The following HMGCLL1 variants were observed in gnomAD, a reference collection of about 807,000 sequenced individuals.
HMGCLL1 encodes 3-hydroxymethyl-3-methylglutaryl-CoA lyase, cytoplasmic.
Under a neutral mutation model 39.1 loss-of-function variants are expected in HMGCLL1, and 36 were observed. The ratio of observed to expected loss-of-function variants is 0.92; its 90% CI spans 0.71 to 1.22. The LOEUF (loss-of-function observed/expected upper bound fraction) is 1.22. Among genes scored for constraint, HMGCLL1 ranks in the 50% most tolerant of loss-of-function variants. The pLI, the probability that HMGCLL1 is intolerant of heterozygous loss-of-function variation, is 0.00. For synonymous variants in HMGCLL1, 149 were observed against 144.0 expected, an observed-to-expected ratio of 1.03 and a Z score of -0.25; for missense variants, 451 against 416.5, an observed-to-expected ratio of 1.08 and a Z score of -0.72.
chr6:55,472,998 A>G (rs1249670987), intron 7 of HMGCLL1, among the ~76,000 whole-genome samples: 2 of 151,408 alleles, frequency 1.3e-5, no homozygotes, highest in Non-Finnish European at 1.5e-5. Context: ...ACATACTACC[A>G]TATCTTTGAT....
At chr6:55,451,683 G>A (rs1249193211) in intron 7 of HMGCLL1, among the ~76,000 whole-genome samples, 2 of 152,188 alleles carry the variant, frequency 1.3e-5, no homozygotes, top group African/African-American at 2.4e-5. Context: ...TAGGAGGTAG[G>A]AGGTAAATAA....
chr6:55,492,463 C>T (rs147533214), intron 7 of HMGCLL1, among the ~76,000 whole-genome samples: 99 of 152,336 alleles, frequency 6.5e-4, no homozygotes, highest in African/African-American at 2.3e-3. Flanking sequence ...AGTGACATTC[C>T]AGTACCACAT....
At chr6:55,639,383 A>G in the HMGCLL1 span, among the ~76,000 whole-genome samples, 1 of 150,444 alleles carries the variant, frequency 6.6e-6, no homozygotes, top group African/African-American at 2.5e-5. Flanking sequence ...TATTTATTGA[A>G]CGTCTACTAG....
At chr6:55,562,404 A>G (rs1430727446) in intron 1 of HMGCLL1, among the ~76,000 whole-genome samples, 1 of 152,126 alleles carries the variant, frequency 6.6e-6, no homozygotes, top group African/African-American at 2.4e-5. Flanking sequence ...ATTACAGGGT[A>G]CTGAAAGAAA....
intron 7 of HMGCLL1, among the ~76,000 whole-genome samples, chr6:55,466,944 G>A (rs868640422): frequency 1.3e-5 from 2 of 152,158 alleles, no homozygotes; most frequent in Middle Eastern, 3.4e-3. Context: ...GCATCAGAAT[G>A]TGTTTTCAGC....
chr6:55,474,961 G>T (rs1433400913), intron 7 of HMGCLL1, among the ~76,000 whole-genome samples: 2 of 151,522 alleles, frequency 1.3e-5, no homozygotes, highest in African/African-American at 4.8e-5. Flanking sequence ...TATTAGACTG[G>T]AGCCCTTTCG....
intron 7 of HMGCLL1, among the ~76,000 whole-genome samples, chr6:55,484,582 G>T (rs1031769536): frequency 1.3e-5 from 2 of 151,878 alleles, no homozygotes; most frequent in African/African-American, 4.8e-5. Flanking sequence ...TCCACTCATA[G>T]CCTTTTCCAT....
At chr6:55,477,850 T>A (rs1208848725) in intron 7 of HMGCLL1, among the ~76,000 whole-genome samples, 1 of 150,902 alleles carries the variant, frequency 6.6e-6, no homozygotes, top group Admixed American at 6.6e-5. Context: ...TGTTCATGAG[T>A]GACAATAGCC....
chr6:55,468,761 T>A (rs1336830333), intron 7 of HMGCLL1, among the ~76,000 whole-genome samples: 4 of 151,982 alleles, frequency 2.6e-5, no homozygotes, highest in Non-Finnish European at 4.4e-5. Flanking sequence ...CATTTAGATT[T>A]TAGAGGCAGT....
chr6:55,536,990 A>G (rs1254280179), intron 3 of HMGCLL1, among the ~76,000 whole-genome samples: 2 of 152,214 alleles, frequency 1.3e-5, no homozygotes, highest in Non-Finnish European at 2.9e-5. Context: ...ATCCACACAC[A>G]TTGTCCTTAA....
At chr6:55,607,688 C>G in the HMGCLL1 span, among the ~76,000 whole-genome samples, 1 of 152,208 alleles carries the variant, frequency 6.6e-6, no homozygotes, top group Non-Finnish European at 1.5e-5. Context: ...ACTAGCTTGA[C>G]TTTTCTCTCT....
At chr6:55,479,449 A>G (rs1467599493) in intron 7 of HMGCLL1, among the ~76,000 whole-genome samples, 9 of 151,664 alleles carry the variant, frequency 5.9e-5, no homozygotes, top group Non-Finnish European at 7.4e-5. Flanking sequence ...TGGAATCCTA[A>G]TAAAATCTGG....
chr6:55,476,530 T>C (rs1482004712), intron 7 of HMGCLL1, among the ~76,000 whole-genome samples: 1 of 151,706 alleles, frequency 6.6e-6, no homozygotes, highest in Admixed American at 6.6e-5. Context: ...ATTTCATCCT[T>C]CCCAACTTGT....
At chr6:55,581,290 C>T (rs964519412), upstream of HMGCLL1, among the ~76,000 whole-genome samples, 4 of 152,100 alleles carry the variant, frequency 2.6e-5, no homozygotes, top group East Asian at 1.9e-4. Context: ...TGTTTTTTTA[C>T]AGAAAAGTCT....
intron 7 of HMGCLL1, among the ~76,000 whole-genome samples, chr6:55,486,841 G>T (rs1440516347): frequency 6.6e-6 from 1 of 152,076 alleles, no homozygotes; most frequent in African/African-American, 2.4e-5. Context: ...CTAGAAGCTG[G>T]GAAGTCCACG....
At chr6:55,474,252 G>A (rs553017714) in intron 7 of HMGCLL1, among the ~76,000 whole-genome samples, 1 of 151,486 alleles carries the variant, frequency 6.6e-6, no homozygotes, top group African/African-American at 2.4e-5. Context: ...CATACATAAT[G>A]GATCTCTACA....
At chr6:55,629,440 C>T in the HMGCLL1 span, among the ~76,000 whole-genome samples, 1 of 152,124 alleles carries the variant, frequency 6.6e-6, no homozygotes, top group Non-Finnish European at 1.5e-5. Flanking sequence ...GGAAGCAGAG[C>T]ATAAAAGTTC....
chr6:55,655,545 T>TAGAC, the HMGCLL1 span, among the ~76,000 whole-genome samples: 1 of 150,962 alleles, frequency 6.6e-6, no homozygotes, highest in African/African-American at 2.4e-5. Flanking sequence ...GGTAGATAGA[T>TAGAC]AGATAGATAG....
chr6:55,563,734 A>G, intron 1 of HMGCLL1: 1 of 473,714 alleles, frequency 2.1e-6, no homozygotes, highest in South Asian at 1.9e-5. Flanking sequence ...GCTAAATAAG[A>G]GTTCATACAA....
Sources: gnomAD v4.1 joint callset for allele counts (sites outside exome capture counted in the v4.1 genomes callset) on GRCh38, gnomAD v4.1.1 for gene constraint, MANE v1.5 for transcripts, NCBI Gene and HGNC (gene_info 2026-07-23, HGNC 2026-07-21) for gene names.